The following CSMD3 variants were observed in gnomAD, a reference collection of about 807,000 sequenced individuals.
CSMD3 encodes the protein CUB and sushi domain-containing protein 3.
CSMD3 carries 177 observed loss-of-function variants against 435.2 expected under a neutral mutation model. The observed-to-expected ratio is 0.41, with a 90% CI of 0.36 to 0.46. CSMD3 has a LOEUF of 0.46. Among genes scored for constraint, CSMD3 ranks in the 20% least tolerant of loss-of-function variants. The pLI, the probability that CSMD3 is intolerant of heterozygous loss-of-function variation, is 0.34. For missense variants in CSMD3, 4,265 were observed against 4,504.6 expected (o/e 0.95, Z 1.52); for synonymous variants, 1,656 against 1,520.5 (o/e 1.09, Z -2.07).
chr8:112,935,603 C>T (rs1269818952), intron 9 of CSMD3, among the ~76,000 whole-genome samples: 1 of 151,138 alleles, frequency 6.6e-6, no homozygotes, highest in South Asian at 2.1e-4. Context: ...AATCTCTCAC[C>T]TTTTTTGTTA....
At chr8:112,724,658 C>T (rs1452965338) in intron 13 of CSMD3, among the ~76,000 whole-genome samples, 1 of 152,030 alleles carries the variant, frequency 6.6e-6, no homozygotes, top group Non-Finnish European at 1.5e-5. Context: ...AGAGGTCCAG[C>T]AGCATATTTG....
chr8:112,767,618 A>C (rs542860658), intron 13 of CSMD3, among the ~76,000 whole-genome samples: 4 of 151,784 alleles, frequency 2.6e-5, no homozygotes, highest in Non-Finnish European at 5.9e-5. Context: ...CACTAGACTC[A>C]TATTTCATAC....
intron 1 of CSMD3, among the ~76,000 whole-genome samples, chr8:113,393,750 C>T (rs1421483456): frequency 6.6e-6 from 1 of 152,056 alleles, no homozygotes; most frequent in Non-Finnish European, 1.5e-5. Context: ...CTCTTCTACA[C>T]ATGGACATTG....
In CSMD3 at chr8:112,580,635, T is replaced by C. The variant is rs187109858; in HGVS notation, c.3885+6431A>G. ...TAACTCAGTGTCATATACAGAGTAA[T>C]TGAAAAATGCTTCTTATGAGCAGAG... is the stretch of plus-strand genomic sequence containing the variant. On this transcript the variant is annotated intron_variant, in intron 23 of 70. Transcript: ENST00000297405. Among the ~76,000 whole-genome samples the C allele has an allele frequency of 8.6e-5, 13 of 151,720 alleles. No individual in the cohort carries two copies. In the East Asian group the frequency reaches 2.5e-3, roughly 30 times the overall value.
intron 68 of CSMD3, among the ~76,000 whole-genome samples, chr8:112,233,960 TA>T (rs1265794462): frequency 4.6e-5 from 7 of 152,198 alleles, no homozygotes; most frequent in Non-Finnish European, 7.3e-5. Flanking sequence ...ATATGTTGCA[TA>T]TTCCTTAAGT....
chr8:112,945,656 A>AT (rs751326656), intron 9 of CSMD3, among the ~76,000 whole-genome samples: 5 of 149,752 alleles, frequency 3.3e-5, no homozygotes, highest in Non-Finnish European at 6.0e-5. Flanking sequence ...TGTTGTCTCC[A>AT]TTAAAAAAAA....
At chr8:112,719,938 AT>A (rs2076820524) in intron 13 of CSMD3, among the ~76,000 whole-genome samples, 1 of 152,130 alleles carries the variant, frequency 6.6e-6, no homozygotes, top group Non-Finnish European at 1.5e-5. Context: ...TGTGGATTAG[AT>A]GTAGTCAATT....
intron 63 of CSMD3, among the ~76,000 whole-genome samples, chr8:112,247,876 C>A (rs1201798790): frequency 6.6e-6 from 1 of 151,958 alleles, no homozygotes; most frequent in Non-Finnish European, 1.5e-5. Flanking sequence ...AAAAGACTTA[C>A]AGAAAAATGG....
At chr8:113,337,192 A>T (rs924586451) in intron 1 of CSMD3, among the ~76,000 whole-genome samples, 4 of 152,218 alleles carry the variant, frequency 2.6e-5, no homozygotes, top group Non-Finnish European at 5.9e-5. Flanking sequence ...AACTAGCAAA[A>T]TGTTGTTCTT....
At chr8:112,483,961 C>T (rs948151487) in intron 31 of CSMD3, among the ~76,000 whole-genome samples, 2 of 152,140 alleles carry the variant, frequency 1.3e-5, no homozygotes, top group Non-Finnish European at 2.9e-5. Flanking sequence ...AGCTGTTTCT[C>T]AATGGTTGAG....
intron 1 of CSMD3, among the ~76,000 whole-genome samples, chr8:113,418,449 G>A (rs148762113): frequency 1.4e-3 from 212 of 152,226 alleles, no homozygotes; most frequent in African/African-American, 4.7e-3. Context: ...GTTGGAGTGG[G>A]TAGTAAGAGT....
At chr8:112,499,955 A>G (rs1821776770) in intron 30 of CSMD3, among the ~76,000 whole-genome samples, 1 of 152,114 alleles carries the variant, frequency 6.6e-6, no homozygotes. Context: ...CTAAAGATAC[A>G]AAAATTAGCC....
chr8:113,322,203 T>C (rs2093953818), intron 1 of CSMD3, among the ~76,000 whole-genome samples: 1 of 152,142 alleles, frequency 6.6e-6, no homozygotes, highest in Non-Finnish European at 1.5e-5. Flanking sequence ...CTCAGATTTG[T>C]GTAATTTTCT....
chr8:112,913,342 A>G (rs2082481596), intron 10 of CSMD3, among the ~76,000 whole-genome samples: 1 of 151,618 alleles, frequency 6.6e-6, no homozygotes, highest in South Asian at 2.1e-4. Flanking sequence ...TCACGCTCCT[A>G]TGACAATCTA....
intron 3 of CSMD3, among the ~76,000 whole-genome samples, chr8:113,259,913 C>A (rs2093413450): frequency 1.3e-5 from 2 of 151,896 alleles, no homozygotes; most frequent in Non-Finnish European, 1.5e-5. Context: ...TGGTAGGGGC[C>A]CAGTGGGAGG....
intron 13 of CSMD3, among the ~76,000 whole-genome samples, chr8:112,718,527 AT>A (rs969997205): frequency 1.8e-4 from 27 of 150,476 alleles, no homozygotes; most frequent in Middle Eastern, 3.3e-3. Context: ...ATATATATAT[AT>A]ATATATATGC....
chr8:113,278,570 G>T (rs763673559), intron 3 of CSMD3, 22 bp downstream of exon 3: 3 of 1,140,022 alleles, frequency 2.6e-6, no homozygotes, highest in Non-Finnish European at 2.7e-6. Context: ...GCAGTGGTTT[G>T]TTTGCCACTA....
chr8:112,825,533 T>C (rs2079652197), intron 12 of CSMD3, among the ~76,000 whole-genome samples: 1 of 152,186 alleles, frequency 6.6e-6, no homozygotes, highest in East Asian at 1.9e-4. Flanking sequence ...TTGTTGTTGA[T>C]GCTGCTGTTG....
At chr8:113,273,253 T>G (rs2093543814) in intron 3 of CSMD3, among the ~76,000 whole-genome samples, 2 of 152,062 alleles carry the variant, frequency 1.3e-5, no homozygotes, top group South Asian at 4.1e-4. Flanking sequence ...CATTTTAAGT[T>G]AGTTTCCTTT....
Sources: allele counts gnomAD v4.1 joint callset (sites outside exome capture counted in the v4.1 genomes callset), GRCh38; gene constraint gnomAD v4.1.1; transcripts MANE v1.5; gene names NCBI Gene and HGNC (gene_info 2026-07-23, HGNC 2026-07-21).